The following ROBO2 variants were observed in gnomAD, a reference collection of about 807,000 sequenced individuals.
The protein encoded by ROBO2 is roundabout homolog 2.
A neutral mutation model predicts 160.8 loss-of-function variants in ROBO2; 53 were observed. The ratio of observed to expected loss-of-function variants is 0.33; its 90% confidence interval spans 0.26 to 0.41. ROBO2 has a LOEUF of 0.41. ROBO2 is among the 10% of genes least tolerant of loss of function. ROBO2 has a pLI of 1.00. For synonymous variants in ROBO2, 664 were observed against 611.7 expected (o/e 1.09, Z -1.26); for missense variants, 1,577 against 1,722.4 (o/e 0.92, Z 1.49).
intron 2 of ROBO2, among the ~76,000 whole-genome samples, chr3:76,133,309 G>A (rs1426447869): frequency 6.6e-6 from 1 of 151,926 alleles, no homozygotes; most frequent in African/African-American, 2.4e-5. Context: ...GACACTCAAA[G>A]TATTGTGAAA....
At chr3:75,984,340 C>T (rs2065355056) in intron 2 of ROBO2, among the ~76,000 whole-genome samples, 1 of 151,386 alleles carries the variant, frequency 6.6e-6, no homozygotes, top group Non-Finnish European at 1.5e-5. Context: ...TAGTTTATTT[C>T]CCTTGTTTTT....
intron 2 of ROBO2, among the ~76,000 whole-genome samples, chr3:76,437,228 T>C (rs1247278929): frequency 2.0e-5 from 3 of 152,168 alleles, no homozygotes; most frequent in Admixed American, 2.0e-4. Context: ...TTTGGTATTT[T>C]AAGGAAAAAC....
At chr3:76,349,178 G>T (rs953725707) in intron 2 of ROBO2, among the ~76,000 whole-genome samples, 8 of 151,950 alleles carry the variant, frequency 5.3e-5, no homozygotes, top group African/African-American at 1.7e-4. Context: ...ATTTTTAAAA[G>T]ATTTTTTTAA....
chr3:77,584,969 C>CATATAT (rs199891931), intron 16 of ROBO2, among the ~76,000 whole-genome samples: 45 of 146,452 alleles, frequency 3.1e-4, no homozygotes, highest in East Asian at 2.0e-3. Flanking sequence ...TATATACACA[C>CATATAT]ATATATATAT....
At chr3:77,154,292 G>GA (rs1291596091) in intron 2 of ROBO2, among the ~76,000 whole-genome samples, 2 of 151,926 alleles carry the variant, frequency 1.3e-5, no homozygotes, top group Non-Finnish European at 2.9e-5. Context: ...AGGTACAGAG[G>GA]AAAAAAACAG....
intron 2 of ROBO2, among the ~76,000 whole-genome samples, chr3:76,372,716 G>T (rs1330556540): frequency 6.6e-6 from 1 of 151,878 alleles, no homozygotes; most frequent in Non-Finnish European, 1.5e-5. Flanking sequence ...TGAGACCAAT[G>T]CTTGCACATG....
intron 2 of ROBO2, among the ~76,000 whole-genome samples, chr3:77,239,351 C>G (rs62249666): frequency 2.6e-5 from 4 of 151,906 alleles, no homozygotes. Context: ...TCATTCCTCC[C>G]GGTGGGCTTG....
At chr3:76,302,215 T>C (rs1344607106) in intron 2 of ROBO2, among the ~76,000 whole-genome samples, 2 of 152,128 alleles carry the variant, frequency 1.3e-5, no homozygotes, top group Non-Finnish European at 2.9e-5. Flanking sequence ...TCATAGAAGA[T>C]GGTTAAAGAC....
At chr3:77,395,557 C>T (rs138017085) in intron 2 of ROBO2, among the ~76,000 whole-genome samples, 23 of 152,156 alleles carry the variant, frequency 1.5e-4, no homozygotes, top group African/African-American at 5.3e-4. Context: ...TAATCGAATG[C>T]CCAAGGTCCA....
At chr3:77,612,463 TC>T (rs1339769482) in intron 21 of ROBO2, among the ~76,000 whole-genome samples, 1 of 152,206 alleles carries the variant, frequency 6.6e-6, no homozygotes, top group Non-Finnish European at 1.5e-5. Context: ...GCCCCAACTT[TC>T]CTTCATTTAT....
At chr3:76,263,961 AC>A (rs1236603769) in intron 2 of ROBO2, among the ~76,000 whole-genome samples, 25 of 152,284 alleles carry the variant, frequency 1.6e-4, no homozygotes, top group African/African-American at 6.0e-4. Context: ...CAGCAAACTA[AC>A]ATAGGAACAG....
chr3:77,449,902 A>G (rs1322188503), intron 2 of ROBO2, among the ~76,000 whole-genome samples: 1 of 152,108 alleles, frequency 6.6e-6, no homozygotes, highest in Non-Finnish European at 1.5e-5. Flanking sequence ...GCGATGCACA[A>G]TGGGCTTTTT....
intron 5 of ROBO2, among the ~76,000 whole-genome samples, chr3:77,498,215 C>G (rs957844811): frequency 6.6e-6 from 1 of 152,070 alleles, no homozygotes; most frequent in Non-Finnish European, 1.5e-5. Context: ...TAAACTAACT[C>G]TAAAGTGACA....
chr3:77,577,183 A>T (rs781219766), intron 14 of ROBO2, among the ~76,000 whole-genome samples: 32 of 152,224 alleles, frequency 2.1e-4, no homozygotes, highest in Non-Finnish European at 3.7e-4. Flanking sequence ...CTACCTCCTG[A>T]GATTAATGCA....
At chr3:76,050,579 C>T (rs569261832) in intron 2 of ROBO2, among the ~76,000 whole-genome samples, 1 of 152,248 alleles carries the variant, frequency 6.6e-6, no homozygotes, top group South Asian at 2.1e-4. Flanking sequence ...AGCTAGGAGA[C>T]ACAGTTAAGG....
intron 2 of ROBO2, among the ~76,000 whole-genome samples, chr3:76,149,831 ACACACATCTGTCTAAAG>A (rs2072088327): frequency 6.9e-6 from 1 of 145,454 alleles, no homozygotes; most frequent in African/African-American, 2.5e-5. Flanking sequence ...TCTGTCTAAA[ACACACATCTGTCTAAAG>A]CACACATCAT....
At chr3:76,448,619 G>C (rs1450253493) in intron 2 of ROBO2, among the ~76,000 whole-genome samples, 1 of 152,118 alleles carries the variant, frequency 6.6e-6, no homozygotes, top group Non-Finnish European at 1.5e-5. Context: ...TCATTTCATA[G>C]CCATTATAAA....
intron 2 of ROBO2, among the ~76,000 whole-genome samples, chr3:76,826,721 C>G (rs988254240): frequency 1.3e-5 from 2 of 152,072 alleles, no homozygotes; most frequent in African/African-American, 2.4e-5. Context: ...TAATAGTAAA[C>G]TTGGTTTAAA....
intron 2 of ROBO2, among the ~76,000 whole-genome samples, chr3:76,796,614 TA>T (rs752005097): frequency 4.0e-5 from 6 of 151,786 alleles, no homozygotes; most frequent in Non-Finnish European, 8.8e-5. Flanking sequence ...ATAAAAACAT[TA>T]ACTATAAATG....
Sources: allele counts gnomAD v4.1 joint callset (sites outside exome capture counted in the v4.1 genomes callset), GRCh38; gene constraint gnomAD v4.1.1; transcripts MANE v1.5; gene names NCBI Gene and HGNC (gene_info 2026-07-23, HGNC 2026-07-21).